Variants in INTS6 observed in about 807,000 individuals in gnomAD.
The protein encoded by INTS6 is DEAD box protein.
INTS6 carries 16 observed loss-of-function variants against 104.9 expected under a neutral mutation model. That is an observed-to-expected ratio of 0.15 (90% CI 0.10 to 0.23). The LOEUF is 0.23. Among genes scored for constraint, INTS6 ranks in the 10% least tolerant of loss-of-function variants. The pLI is 1.00. For synonymous variants in INTS6, 324 were observed against 358.7 expected, an observed-to-expected ratio of 0.90 and a Z score of 1.09; for missense variants, 584 against 1,062.8, an observed-to-expected ratio of 0.55 and a Z score of 6.26.
the INTS6 span, chr13:51,341,140 C>A: frequency 3.7e-6 from 6 of 1,613,876 alleles, no homozygotes; most frequent in African/African-American, 5.3e-5. Flanking sequence ...TTGCTGCCTC[C>A]GAGCAAATGG....
chr13:51,443,349 C>A (rs1479963129), intron 3 of INTS6: 1 of 152,030 alleles, frequency 6.6e-6, no homozygotes, highest in Non-Finnish European at 1.5e-5. Flanking sequence ...TGCAAATGTT[C>A]AATTTTTTTA....
Position 51,365,757 on chromosome 13 carries a change from T to A in INTS6, c.2659A>T (p.Asn887Tyr). The A allele has an allele frequency of 6.5e-7, 1 of 1,537,282 alleles. No individual in the cohort carries two copies. Among genetic ancestry groups the A allele is most frequent in the South Asian group, 1.2e-5 (1 of 85,516 alleles). ...RANQINHINS[N>Y] ...TGGCCACATTCTATTTTCTTTTAAT[T>A]GCTATTAATATGGTTGATCTGATTG... Residue 887 changes from asparagine (N) to tyrosine (Y), a missense_variant, in exon 18 of 18, where the codon AAT (asparagine) becomes TAT (tyrosine). Asn to Tyr is a moderately radical substitution (Grantham distance 143). Transcript: ENST00000311234.
chr13:51,361,871 T>C lies in INTS6; in HGVS notation c.*3881A>G. On this transcript the variant is annotated 3_prime_UTR_variant, in exon 18 of 18. Transcript: ENST00000311234. ...TTAAAGCAGATCGGCCATTCATCTA[T>C]TTCCTGAGAGAACCTAACACAGGTA... The C allele has an allele frequency of 1.2e-6, 2 of 1,611,968 alleles. No individual in the cohort carries two copies. Among genetic ancestry groups the C allele is most frequent in the African/African-American group, 1.3e-5 (1 of 74,884 alleles).
intron 4 of INTS6, among the ~76,000 whole-genome samples, chr13:51,398,729 T>TA (rs77125249): frequency 2.9e-3 from 363 of 126,420 alleles, no homozygotes; most frequent in Middle Eastern, 7.9e-3. Context: ...ATAAGATGTT[T>TA]AAAAAAAAAA....
At chr13:51,378,500 A>G (rs1274416749) in intron 11 of INTS6, 46 bp from the exon 12 acceptor site, 2 of 1,213,562 alleles carry the variant, frequency 1.6e-6, no homozygotes, top group Non-Finnish European at 2.4e-6. Flanking sequence ...ATCTAAATTA[A>G]TAAATCAGAT....
At chr13:51,374,917 A>AG in intron 13 of INTS6, 121 bp from the exon 14 acceptor site, 2 of 1,012,132 alleles carry the variant, frequency 2.0e-6, no homozygotes, top group Non-Finnish European at 2.8e-6. Flanking sequence ...AACATATTCT[A>AG]AATTTGTTTG....
chr13:51,399,880 C>CTT (rs1956405634), intron 4 of INTS6, among the ~76,000 whole-genome samples: 2 of 152,242 alleles, frequency 1.3e-5, no homozygotes, highest in South Asian at 4.1e-4. Context: ...GGTTGTCTAG[C>CTT]TTTCTCTTAT....
intron 4 of INTS6, among the ~76,000 whole-genome samples, chr13:51,404,337 CACATAGAT>C (rs1430945637): frequency 1.3e-5 from 2 of 150,350 alleles, no homozygotes; most frequent in Non-Finnish European, 3.0e-5. Flanking sequence ...CACCCCAACA[CACATAGAT>C]ACAAAGTTTC....
At chr13:51,436,608 G>A (rs944349936) in intron 3 of INTS6, 1 of 152,106 alleles carries the variant, frequency 6.6e-6, no homozygotes, top group Non-Finnish European at 1.5e-5. Flanking sequence ...GAGTAATAAT[G>A]TAAGAAATCG....
At chr13:51,403,160 AAAG>A (rs1346792858) in intron 4 of INTS6, among the ~76,000 whole-genome samples, 5 of 152,194 alleles carry the variant, frequency 3.3e-5, no homozygotes, top group Non-Finnish European at 5.9e-5. Context: ...AAAAAAGATA[AAAG>A]AAGTTTATTT....
At chr13:51,433,402 C>T (rs1296626693) in intron 3 of INTS6, among the ~76,000 whole-genome samples, 15 of 152,168 alleles carry the variant, frequency 9.9e-5, no homozygotes, top group African/African-American at 3.4e-4. Flanking sequence ...GAGTCAAGAT[C>T]GTGCCACTGC....
At chr13:51,409,311 TA>T (rs1555287960) in intron 4 of INTS6, among the ~76,000 whole-genome samples, 1 of 139,924 alleles carries the variant, frequency 7.1e-6, no homozygotes, top group South Asian at 2.3e-4. Flanking sequence ...ATAATAATAA[TA>T]ATAGTATAAC....
chr13:51,447,544 A>C (rs1434492386), intron 3 of INTS6: 2 of 152,050 alleles, frequency 1.3e-5, no homozygotes, highest in African/African-American at 2.4e-5. Context: ...ATCTCCTTTT[A>C]AGATATCTGT....
chr13:51,418,430 A>G (rs1289001079), intron 4 of INTS6, among the ~76,000 whole-genome samples: 1 of 152,134 alleles, frequency 6.6e-6, no homozygotes, highest in Non-Finnish European at 1.5e-5. Flanking sequence ...ACTATTATCC[A>G]ATATAAGCAA....
At chr13:51,449,565 G>C (rs1226774169) in intron 3 of INTS6, 4 of 984,992 alleles carry the variant, frequency 4.1e-6, no homozygotes, top group Middle Eastern at 5.2e-4. Context: ...TGCAGAAAAA[G>C]AGGAAACTAA....
intron 17 of INTS6, among the ~76,000 whole-genome samples, chr13:51,366,369 G>C (rs934653463): frequency 2.6e-5 from 4 of 152,024 alleles, no homozygotes; most frequent in Non-Finnish European, 5.9e-5. Context: ...ATCAAGGATA[G>C]ACATCTATAA....
chr13:51,377,949 T>C (rs1035619245), intron 12 of INTS6, among the ~76,000 whole-genome samples: 4 of 152,132 alleles, frequency 2.6e-5, no homozygotes, highest in African/African-American at 9.6e-5. Context: ...TACAAAACTA[T>C]AGTGAATTCT....
intron 3 of INTS6, chr13:51,448,568 C>T (rs1208040599): frequency 6.6e-6 from 1 of 152,028 alleles, no homozygotes; most frequent in Non-Finnish European, 1.5e-5. Context: ...GGTATGTTAA[C>T]TAAGTTAACA....
Position 51,369,344 on chromosome 13 carries a change from A to G in INTS6, c.2105-34T>C, listed in dbSNP as rs1156249484. 3.8e-6 allele frequency: 6 copies of G among 1,564,652 alleles called. No individual in the cohort carries two copies. The East Asian group carries it at 1.1e-4, about 29-fold the overall frequency. ...AAAGATACGGGGAAAAAATTATGGG[A>G]TCCAGTCTCAAAGCATACAGTAAAT... On this transcript the variant is annotated intron_variant, in intron 15 of 17. Transcript: ENST00000311234.
Sources: allele counts gnomAD v4.1 joint callset (sites outside exome capture counted in the v4.1 genomes callset), GRCh38; gene constraint gnomAD v4.1.1; transcripts MANE v1.5; gene names NCBI Gene and HGNC (gene_info 2026-07-23, HGNC 2026-07-21).